The following KIAA1614 variants were observed in gnomAD, a reference collection of about 807,000 sequenced individuals.
KIAA1614 encodes the protein uncharacterized protein KIAA1614.
Under a neutral mutation model 88.7 loss-of-function variants are expected in KIAA1614, and 76 were observed. The observed-to-expected ratio is 0.86, with a 90% CI of 0.71 to 1.04. The LOEUF (loss-of-function observed/expected upper bound fraction) is 1.04, where lower values mean the gene tolerates loss of function less well. Among genes scored for constraint, KIAA1614 ranks in the 50% least tolerant of loss-of-function variants. The pLI, the probability that KIAA1614 is intolerant of heterozygous loss-of-function variation, is 0.00. For synonymous variants in KIAA1614, 714 were observed against 675.5 expected, an observed-to-expected ratio of 1.06 and a Z score of -0.88; for missense variants, 1,553 against 1,582.5, an observed-to-expected ratio of 0.98 and a Z score of 0.32.
intron 3 of KIAA1614, 30 bp from the exon 4 acceptor site, chr1:180,928,400 C>T: frequency 6.6e-7 from 1 of 1,513,232 alleles, no homozygotes; most frequent in Non-Finnish European, 8.9e-7. Context: ...ATCCCTCCCC[C>T]ACCACCCTGG....
chr1:180,920,022 G>A (rs1472454393), intron 3 of KIAA1614, among the ~76,000 whole-genome samples: 2 of 152,236 alleles, frequency 1.3e-5, no homozygotes, highest in Non-Finnish European at 2.9e-5. Flanking sequence ...GGCAAAGAGT[G>A]TTGTGGGGAA....
At chr1:180,927,152 C>A (rs1016056792) in intron 3 of KIAA1614, among the ~76,000 whole-genome samples, 4 of 152,160 alleles carry the variant, frequency 2.6e-5, no homozygotes, top group Non-Finnish European at 4.4e-5. Flanking sequence ...ACTCACATCT[C>A]TGTCACCCAG....
intron 4 of KIAA1614, among the ~76,000 whole-genome samples, chr1:180,932,773 A>T (rs1654226977): frequency 1.0e-3 from 1 of 956 alleles, no homozygotes; most frequent in Non-Finnish European, 9.3e-3. Context: ...TATGGAGTGT[A>T]GCAGCACTCA....
rs904250740 is a variant in KIAA1614 at position 180,946,226 on chromosome 1, A to G, written c.*638A>G. The G allele has an allele frequency of 6.6e-6, 1 of 152,278 alleles. No individual in the cohort carries two copies. The highest frequency in any genetic ancestry group is 1.5e-5 in the Non-Finnish European group (1 of 68,082). The allele number at this position is 152,278 out of a possible 1,614,324, so 9.4% of individuals were successfully genotyped here. A position where few individuals can be genotyped will look rare whatever the true frequency, so the allele number is the denominator to read the frequency against. On this transcript the variant is annotated 3_prime_UTR_variant, in exon 9 of 9. Transcript: ENST00000367588. ...CAGTCCCTTTGATGTGGCTGCGTTG[A>G]AACGGTTCCTTTCCTCCGGCTGTGG...
At position 180,950,224 on chromosome 1, in the gene KIAA1614, A is replaced by G. The variant is rs1432295619; in HGVS notation, c.*4636A>G. The G allele has an allele frequency of 3.5e-6, 2 of 570,434 alleles. No homozygotes were observed. Among genetic ancestry groups the G allele is most frequent in the Non-Finnish European group, 4.9e-6 (2 of 407,394 alleles). The allele number at this position is 570,434 out of a possible 1,614,324, so 35.3% of individuals were successfully genotyped here. The stretch of plus-strand genomic sequence containing the variant: ...GCATGCGCACAGAGAAGTGCCTGGT[A>G]TGAGCACCTCCTCCCTGTGCCACAC... On this transcript the variant is annotated 3_prime_UTR_variant, in exon 9 of 9. Coordinates refer to ENST00000367588, the MANE Select transcript of KIAA1614 (RefSeq NM_020950.2).
At chr1:180,922,481 T>TG (rs1399938274) in intron 3 of KIAA1614, among the ~76,000 whole-genome samples, 3 of 152,026 alleles carry the variant, frequency 2.0e-5, no homozygotes, top group East Asian at 1.9e-4. Context: ...TGGGATTCCT[T>TG]GGGGGGTAAA....
intron 5 of KIAA1614, among the ~76,000 whole-genome samples, chr1:180,937,483 G>A (rs1654359190): frequency 6.6e-6 from 1 of 152,214 alleles, no homozygotes; most frequent in Non-Finnish European, 1.5e-5. Context: ...GGGTTGGCAG[G>A]CTCAGGCTCT....
At chr1:180,928,722 A>G (rs1206159257) in intron 4 of KIAA1614, 149 bp downstream of exon 4, 2 of 908,838 alleles carry the variant, frequency 2.2e-6, no homozygotes, top group Non-Finnish European at 3.2e-6. Flanking sequence ...TCTTGCTTTG[A>G]TTATTTAGTC....
chr1:180,935,857 CG>C lies in KIAA1614; in HGVS notation c.1952del (p.Gly651AlafsTer39). ...TQGSSPRLRLRGSRPRGHRWS... is the reference protein window; with the variant it reads ...TQGSSPRLRLXGSRPRGHRWS... ...AGGCAGCAGCCCGCGACTGCGACTG[CG>C]GGGCTCCAGGCCTCGAGGCCACAGG... On this transcript the variant is annotated frameshift_variant, in exon 5 of 9. Coordinates refer to ENST00000367588, the MANE Select transcript of KIAA1614 (RefSeq NM_020950.2). LOFTEE classifies it high-confidence loss of function. The surrounding 1 kb of genome is among the most constrained non-coding windows in gnomAD (Gnocchi z 6.1). 6.2e-7 allele frequency: 1 copy of C among 1,613,690 alleles called. No individual in the cohort carries two copies. The highest frequency in any genetic ancestry group is 8.5e-7 in the Non-Finnish European group (1 of 1,179,902).
chr1:180,950,433 C>A lies in KIAA1614; in HGVS notation c.*4845C>A. On this transcript the variant is annotated 3_prime_UTR_variant, in exon 9 of 9. Transcript: ENST00000367588. ...GATGAGATCCTCGAGGTGAACGGGG[C>A]CAAGGTGGCAGGGCTGGGCTTGGCT... The A allele has an allele frequency of 8.3e-7, 1 of 1,202,318 alleles. No homozygotes were observed. Among genetic ancestry groups the A allele is most frequent in the Non-Finnish European group, 1.1e-6 (1 of 944,820 alleles). 74.5% of individuals were successfully genotyped at this position (1,202,318 alleles called of 1,614,324 possible).
At chr1:180,942,917 A>G (rs1654499853) in intron 7 of KIAA1614, among the ~76,000 whole-genome samples, 1 of 152,240 alleles carries the variant, frequency 6.6e-6, no homozygotes, top group Admixed American at 6.5e-5. Context: ...AAAATAAAAA[A>G]GAAGATAAAG....
intron 6 of KIAA1614, 44 bp from the exon 7 acceptor site, chr1:180,941,001 T>TAC: frequency 5.2e-6 from 2 of 385,866 alleles, no homozygotes; most frequent in Non-Finnish European, 8.1e-6. Context: ...CTGGCCACCC[T>TAC]CCCGGCCCTC....
At chr1:180,931,593 G>A (rs1654198368) in intron 4 of KIAA1614, among the ~76,000 whole-genome samples, 2 of 152,198 alleles carry the variant, frequency 1.3e-5, no homozygotes, top group South Asian at 4.1e-4. Context: ...CTGCTAGTGG[G>A]GCTTTCTGGG....
At position 180,945,715 on chromosome 1, in the gene KIAA1614, C is replaced by T; in HGVS notation, c.*127C>T. 7.1e-7 allele frequency: 1 copy of T among 1,402,258 alleles called. No homozygotes were observed. Among genetic ancestry groups the T allele is most frequent in the Non-Finnish European group, 9.2e-7 (1 of 1,089,028 alleles). The allele number at this position is 1,402,258 out of a possible 1,614,324, so 86.9% of individuals were successfully genotyped here. On this transcript the variant is annotated 3_prime_UTR_variant, in exon 9 of 9. Coordinates refer to ENST00000367588, the MANE Select transcript of KIAA1614 (RefSeq NM_020950.2). The stretch of plus-strand genomic sequence containing the variant: ...CCTGCAGAGCCTTTGCCCTAGGCAA[C>T]TGCAGCTGAGAGTGCGTTGGTGGGG...
intron 1 of KIAA1614, among the ~76,000 whole-genome samples, 162 bp downstream of exon 1, chr1:180,913,455 C>A (rs991323507): frequency 6.6e-6 from 1 of 152,132 alleles, no homozygotes; most frequent in Non-Finnish European, 1.5e-5. Context: ...CGTCCATCTT[C>A]GTTTGGCCCC....
rs1346605020 is a variant in KIAA1614, at chr1:180,949,726, G to A, written c.*4138G>A. 6.6e-6 allele frequency: 1 copy of A among 152,214 alleles called. No individual in the cohort carries two copies. Among genetic ancestry groups the A allele is most frequent in the Non-Finnish European group, 1.5e-5 (1 of 68,062 alleles). 9.4% of individuals were successfully genotyped at this position (152,214 alleles called of 1,614,324 possible). ...TGGCTAGAATTTTTATTTTTCCTGGGGTTTTTTGCTCAGATGCTTCCCCAT... is the reference window on the plus strand; with the variant it reads ...TGGCTAGAATTTTTATTTTTCCTGGAGTTTTTTGCTCAGATGCTTCCCCAT... On this transcript the variant is annotated 3_prime_UTR_variant, in exon 9 of 9. Transcript: ENST00000367588.
chr1:180,933,687 C>A (rs1013893724), intron 4 of KIAA1614, among the ~76,000 whole-genome samples: 1 of 152,154 alleles, frequency 6.6e-6, no homozygotes, highest in Non-Finnish European at 1.5e-5. Flanking sequence ...AGGTGTCTTC[C>A]GGAACTGAGC....
At chr1:180,945,097 G>T in intron 8 of KIAA1614, 1 of 543,140 alleles carries the variant, frequency 1.8e-6, no homozygotes, top group Non-Finnish European at 3.1e-6. Flanking sequence ...TAGTTCCACA[G>T]CAGGCCTTGG....
chr1:180,935,195 AT>A lies in KIAA1614; in HGVS notation c.1288del (p.Ser430ProfsTer47). ...RDSLQNGHTSDSSSGESSGGH... is the reference protein window; with the variant it reads ...RDSLQNGHTSXSSSGESSGGH... ...AGCCTCCAGAACGGGCACACGAGCG[AT>A]TCCTCCAGCGGAGAGTCCAGCGGTG... On this transcript the variant is annotated frameshift_variant, in exon 5 of 9. Coordinates refer to ENST00000367588, the MANE Select transcript of KIAA1614 (RefSeq NM_020950.2). LOFTEE classifies it high-confidence loss of function. The surrounding 1 kb of genome is among the most constrained non-coding windows in gnomAD (Gnocchi z 6.1). 6.7e-7 allele frequency: 1 copy of A among 1,488,286 alleles called. No homozygotes were observed. Among genetic ancestry groups the A allele is most frequent in the Non-Finnish European group, 8.9e-7 (1 of 1,119,314 alleles). The allele number at this position is 1,488,286 out of a possible 1,614,324, so 92.2% of individuals were successfully genotyped here.
Sources: gnomAD v4.1 joint callset for allele counts (sites outside exome capture counted in the v4.1 genomes callset) on GRCh38, gnomAD v4.1.1 for gene constraint, Gnocchi (gnomAD v3.1) non-coding constraint, MANE v1.5 for transcripts, NCBI Gene and HGNC (gene_info 2026-07-23, HGNC 2026-07-21) for gene names.